LPP: variants seen among roughly 807,000 people sequenced by gnomAD.
LPP encodes the protein LIM domain containing preferred translocation partner in lipoma, also known as lipoma-preferred partner.
In LPP, 38 loss-of-function variants were observed where a neutral mutation model predicts 60.4. That is an observed-to-expected ratio of 0.63 (90% CI 0.49 to 0.83). The LOEUF is 0.83. Among genes scored for constraint, LPP ranks in the 40% least tolerant of loss-of-function variants. The pLI is 0.00. For missense variants in LPP, 902 were observed against 783.6 expected (o/e 1.15, Z -1.80); for synonymous variants, 328 against 290.8 (o/e 1.13, Z -1.30).
At chr3:188,576,344 C>T (rs1365153713) in intron 6 of LPP, among the ~76,000 whole-genome samples, 1 of 152,138 alleles carries the variant, frequency 6.6e-6, no homozygotes, top group Non-Finnish European at 1.5e-5. Context: ...GTTGTGGGCT[C>T]ACTCTCTGAG....
intron 4 of LPP, among the ~76,000 whole-genome samples, chr3:188,469,740 G>C (rs1801346440): frequency 6.6e-6 from 1 of 151,970 alleles, no homozygotes. Context: ...TTGGAGCCCT[G>C]GTGTGCTAAG....
intron 2 of LPP, among the ~76,000 whole-genome samples, chr3:188,321,009 C>G (rs1578089622): frequency 1.3e-5 from 2 of 152,334 alleles, no homozygotes; most frequent in African/African-American, 4.8e-5. Context: ...CTCATCCTCA[C>G]ATATAAGATG....
At chr3:188,237,882 A>T (rs1044420398) in intron 2 of LPP, among the ~76,000 whole-genome samples, 1 of 152,182 alleles carries the variant, frequency 6.6e-6, no homozygotes, top group East Asian at 1.9e-4. Context: ...CTCTAACAAG[A>T]GAGTTACCCT....
intron 1 of LPP, among the ~76,000 whole-genome samples, chr3:188,184,104 G>A (rs1725884012): frequency 6.6e-6 from 1 of 152,090 alleles, no homozygotes; most frequent in South Asian, 2.1e-4. Flanking sequence ...AGTGCCTCTG[G>A]GATTCTAATT....
intron 11 of LPP, among the ~76,000 whole-genome samples, chr3:188,873,179 T>C (rs1033742420): frequency 6.6e-6 from 1 of 152,224 alleles, no homozygotes; most frequent in Non-Finnish European, 1.5e-5. Flanking sequence ...CACTACTAAT[T>C]GCTCAGTTTC....
intron 6 of LPP, among the ~76,000 whole-genome samples, chr3:188,564,350 C>T (rs151036139): frequency 5.3e-5 from 8 of 152,062 alleles, no homozygotes; most frequent in South Asian, 2.1e-4. Flanking sequence ...TATTACAGAT[C>T]GCAGAGGAGC....
intron 5 of LPP, among the ~76,000 whole-genome samples, chr3:188,514,446 T>A (rs78189923): frequency 1.8e-3 from 131 of 74,796 alleles, no homozygotes; most frequent in African/African-American, 4.2e-3. Context: ...ATTTTATTTT[T>A]TTTTTTATTT....
chr3:188,378,776 T>C (rs1031785406), intron 3 of LPP, among the ~76,000 whole-genome samples: 10 of 152,318 alleles, frequency 6.6e-5, no homozygotes, highest in African/African-American at 2.4e-4. Context: ...CAGTTGGAAA[T>C]GCAGAAATCA....
At chr3:188,454,597 C>T (rs1006477617) in intron 4 of LPP, among the ~76,000 whole-genome samples, 2 of 152,018 alleles carry the variant, frequency 1.3e-5, no homozygotes, top group East Asian at 1.9e-4. Flanking sequence ...AAGACATACC[C>T]GAGACTGGGA....
chr3:188,713,766 G>A (rs778808672), intron 8 of LPP, among the ~76,000 whole-genome samples: 2 of 152,206 alleles, frequency 1.3e-5, no homozygotes, highest in African/African-American at 4.8e-5. Flanking sequence ...CTCTAAAAGT[G>A]TACTGAAGCC....
intron 2 of LPP, among the ~76,000 whole-genome samples, chr3:188,231,320 T>C (rs1248598084): frequency 1.3e-5 from 2 of 152,168 alleles, no homozygotes; most frequent in Non-Finnish European, 2.9e-5. Context: ...AAGGTGGAAG[T>C]GGACGTTGCC....
intron 2 of LPP, among the ~76,000 whole-genome samples, chr3:188,292,455 G>C (rs1376731307): frequency 6.6e-6 from 1 of 152,228 alleles, no homozygotes; most frequent in Admixed American, 6.5e-5. Context: ...TGATTGCAGA[G>C]TGCCTTTATC....
rs1806305882 is a variant in LPP, at chr3:188,485,809, AAAAAAT to A, written c.306+1106_306+1111del. Among the ~76,000 whole-genome samples, 3 of 146,344 alleles carry A rather than the reference AAAAAAT, an allele frequency of 2.0e-5. 1 individual carries two copies. Among genetic ancestry groups the A allele is most frequent in the African/African-American group, 7.7e-5 (3 of 38,734 alleles). On this transcript the variant is annotated intron_variant, in intron 5 of 11. Coordinates refer to ENST00000617246, the MANE Select transcript of LPP (RefSeq NM_001375462.1). ...GAGACTCCGTCTCAAAAAAAAAAAA[AAAAAAT>A]GGAATGGTGTCTGGTAATTATTTTC...
chr3:188,523,051 G>A (rs1191857419), intron 5 of LPP, among the ~76,000 whole-genome samples: 1 of 151,810 alleles, frequency 6.6e-6, no homozygotes, highest in African/African-American at 2.4e-5. Context: ...GGGATTACAG[G>A]GGCCTGCCAC....
intron 9 of LPP, among the ~76,000 whole-genome samples, chr3:188,813,416 ATTC>A (rs1751619406): frequency 6.6e-6 from 1 of 152,202 alleles, no homozygotes; most frequent in Admixed American, 6.6e-5. Flanking sequence ...TATCATTATT[ATTC>A]TTGTTTCATT....
chr3:188,612,948 G>C (rs998787529), intron 7 of LPP, among the ~76,000 whole-genome samples: 5 of 152,028 alleles, frequency 3.3e-5, no homozygotes, highest in Non-Finnish European at 2.9e-5. Flanking sequence ...AGAAAGGAAA[G>C]AGGCAGAATG....
intron 9 of LPP, among the ~76,000 whole-genome samples, chr3:188,800,599 G>A (rs1412341777): frequency 6.6e-6 from 1 of 152,134 alleles, no homozygotes; most frequent in African/African-American, 2.4e-5. Context: ...AAAAGTGTAT[G>A]TATGTTTCCA....
chr3:188,815,150 G>A (rs1278463690), intron 9 of LPP, among the ~76,000 whole-genome samples: 2 of 152,172 alleles, frequency 1.3e-5, no homozygotes, highest in Admixed American at 1.3e-4. Context: ...AGAATTTAGT[G>A]CCCCTAACAC....
chr3:188,865,790 GC>G (rs1766427460), intron 9 of LPP, among the ~76,000 whole-genome samples: 1 of 152,032 alleles, frequency 6.6e-6, no homozygotes, highest in Non-Finnish European at 1.5e-5. Flanking sequence ...TTACAACAAA[GC>G]CAGAAATATT....
Sources: gnomAD v4.1 joint callset for allele counts (sites outside exome capture counted in the v4.1 genomes callset) on GRCh38, gnomAD v4.1.1 for gene constraint, MANE v1.5 for transcripts, NCBI Gene and HGNC (gene_info 2026-07-23, HGNC 2026-07-21) for gene names.